The following ADAM12 variants were observed in gnomAD, a reference collection of about 807,000 sequenced individuals.
ADAM12 encodes the protein disintegrin and metalloproteinase domain-containing protein 12.
Under a neutral mutation model 106.4 loss-of-function variants are expected in ADAM12, and 70 were observed. That is an observed-to-expected ratio of 0.66 (90% confidence interval 0.54 to 0.80). ADAM12 has a LOEUF of 0.80. Ranked by LOEUF, ADAM12 falls within the 30% of genes least tolerant of loss-of-function variation. ADAM12 has a pLI of 0.00. For missense variants in ADAM12, 1,010 were observed against 1,171.9 expected (o/e 0.86, Z 2.02); for synonymous variants, 420 against 433.5 (o/e 0.97, Z 0.39).
intron 12 of ADAM12, among the ~76,000 whole-genome samples, chr10:126,069,312 G>C (rs1954936811): frequency 6.6e-6 from 1 of 152,212 alleles, no homozygotes; most frequent in Non-Finnish European, 1.5e-5. Flanking sequence ...TCTAAAAAGT[G>C]AGGCAAAAGG....
chr10:126,033,378 A>G (rs965269824), intron 21 of ADAM12, among the ~76,000 whole-genome samples: 6 of 152,238 alleles, frequency 3.9e-5, no homozygotes, highest in African/African-American at 1.2e-4. Context: ...TGGAATAAGT[A>G]CATTTCACCC....
At chr10:126,070,999 C>T (rs1358087280) in intron 12 of ADAM12, among the ~76,000 whole-genome samples, 1 of 152,160 alleles carries the variant, frequency 6.6e-6, no homozygotes, top group Non-Finnish European at 1.5e-5. Context: ...AGGCAGAAGC[C>T]TCAAGTCATG....
intron 8 of ADAM12, 40 bp downstream of exon 8, chr10:126,108,553 T>C: frequency 1.3e-6 from 2 of 1,572,388 alleles, no homozygotes; most frequent in Non-Finnish European, 1.8e-6. Context: ...TCCAAACATT[T>C]ACATGATCTG....
chr10:126,042,689 A>C (rs1281811382), intron 18 of ADAM12, among the ~76,000 whole-genome samples: 1 of 152,162 alleles, frequency 6.6e-6, no homozygotes, highest in Non-Finnish European at 1.5e-5. Flanking sequence ...ACACCTTGTC[A>C]CCCTACCACA....
intron 3 of ADAM12, among the ~76,000 whole-genome samples, chr10:126,256,299 G>A (rs924632193): frequency 9.9e-5 from 15 of 152,174 alleles, no homozygotes; most frequent in African/African-American, 3.6e-4. Flanking sequence ...TGTAACAGTA[G>A]AAGGCCAATG....
rs1953594299 is a variant in ADAM12 at position 126,012,895 on chromosome 10, T to C, written c.*4384A>G. On this transcript the variant is annotated 3_prime_UTR_variant, in exon 23 of 23. Transcript: ENST00000448723. ...TTGTAAAGCTAAAATAATCACATGA[T>C]ACTTATTCTTTGGAGGATTTAAAAT... The C allele has an allele frequency of 1.3e-5, 2 of 152,216 alleles. No individual in the cohort carries two copies. The highest frequency in any genetic ancestry group is 1.3e-4 in the Admixed American group (2 of 15,282). The allele number at this position is 152,216 out of a possible 1,614,324, so 9.4% of individuals were successfully genotyped here.
chr10:126,249,702 G>A lies in ADAM12; in HGVS notation c.260+29213C>T, dbSNP rs999149554. 3.7e-3 allele frequency among the ~76,000 whole-genome samples: 562 copies of A among 152,152 alleles called. 5 individuals are homozygous for A. The highest frequency in any genetic ancestry group is 0.013 in the African/African-American group (531 of 41,516). ...CTGCCAGACTCCGTCTCAAAAAAAA[G>A]AAAAACAAAAAGAAAACTGACACCA... is the stretch of plus-strand genomic sequence containing the variant. On this transcript the variant is annotated intron_variant, in intron 3 of 22. Transcript: ENST00000448723.
In ADAM12 at chr10:126,320,136, C is replaced by A. The variant is rs146533169; in HGVS notation, c.186+10276G>T. Among the ~76,000 whole-genome samples the A allele has an allele frequency of 1.1e-4, 17 of 152,328 alleles. No individual in the cohort carries two copies. In the East Asian group the frequency reaches 2.5e-3, roughly 22 times the overall value. ...AATCTTATTCCTTAGTGTTCAAGTTCTCTTGTTAGAAAGAAACTAAATTTA... is the reference window on the plus strand; with the variant it reads ...AATCTTATTCCTTAGTGTTCAAGTTATCTTGTTAGAAAGAAACTAAATTTA... On this transcript the variant is annotated intron_variant, in intron 2 of 22. Transcript: ENST00000448723.
At chr10:126,180,160 C>T (rs1957287649) in intron 3 of ADAM12, among the ~76,000 whole-genome samples, 1 of 152,124 alleles carries the variant, frequency 6.6e-6, no homozygotes, top group Non-Finnish European at 1.5e-5. Context: ...CTTCCAACAA[C>T]CCCAGGTACT....
intron 10 of ADAM12, among the ~76,000 whole-genome samples, chr10:126,096,276 T>C (rs1247568799): frequency 1.3e-5 from 2 of 152,230 alleles, no homozygotes; most frequent in Non-Finnish European, 2.9e-5. Flanking sequence ...TCATTGAATG[T>C]CTTGGTTTTT....
intron 5 of ADAM12, among the ~76,000 whole-genome samples, chr10:126,121,340 T>C (rs1339151838): frequency 8.2e-6 from 1 of 122,062 alleles, no homozygotes; most frequent in East Asian, 2.3e-4. Context: ...ATATATTATC[T>C]TACATGTAAC....
chr10:126,209,961 T>A (rs1957869552), intron 3 of ADAM12, among the ~76,000 whole-genome samples: 1 of 152,206 alleles, frequency 6.6e-6, no homozygotes. Context: ...CATGTGTAAC[T>A]TATTCTCCTT....
intron 2 of ADAM12, among the ~76,000 whole-genome samples, chr10:126,300,215 G>A (rs1034905452): frequency 6.6e-6 from 1 of 152,096 alleles, no homozygotes; most frequent in African/African-American, 2.4e-5. Context: ...CAAGAACTGG[G>A]GTCAGGGTCA....
chr10:126,086,183 A>G (rs2133542710), intron 11 of ADAM12, among the ~76,000 whole-genome samples: 1 of 152,136 alleles, frequency 6.6e-6, no homozygotes, highest in South Asian at 2.1e-4. Flanking sequence ...GCTACCTCCC[A>G]CCTCCCAGAG....
intron 3 of ADAM12, among the ~76,000 whole-genome samples, chr10:126,274,139 C>G (rs1188745607): frequency 6.6e-6 from 1 of 152,158 alleles, no homozygotes. Context: ...CTCATCGATG[C>G]CTATGATGAG....
At chr10:126,255,032 C>T (rs545180015) in intron 3 of ADAM12, among the ~76,000 whole-genome samples, 5 of 152,306 alleles carry the variant, frequency 3.3e-5, no homozygotes, top group East Asian at 1.9e-4. Context: ...GGGCCACCCT[C>T]GGAGCACGGC....
At chr10:126,148,541 GGAAA>G (rs1385137580) in intron 4 of ADAM12, among the ~76,000 whole-genome samples, 1 of 152,124 alleles carries the variant, frequency 6.6e-6, no homozygotes, top group Non-Finnish European at 1.5e-5. Context: ...CTGACTGCTT[GGAAA>G]GGCATTCAAA....
At chr10:126,341,708 G>A (rs1854937684) in intron 1 of ADAM12, among the ~76,000 whole-genome samples, 1 of 152,204 alleles carries the variant, frequency 6.6e-6, no homozygotes, top group Admixed American at 6.5e-5. Flanking sequence ...ATAGTAGCCT[G>A]ATATTTCCTT....
At chr10:126,121,176 ATATACAC>A (rs1956097254) in intron 5 of ADAM12, among the ~76,000 whole-genome samples, 2 of 101,812 alleles carry the variant, frequency 2.0e-5, no homozygotes, top group Admixed American at 1.4e-4. Context: ...TATATATACT[ATATACAC>A]TATATACTAT....
Sources: allele counts gnomAD v4.1 joint callset (sites outside exome capture counted in the v4.1 genomes callset), GRCh38; gene constraint gnomAD v4.1.1; transcripts MANE v1.5; gene names NCBI Gene and HGNC (gene_info 2026-07-23, HGNC 2026-07-21).